Variants in TTC39B observed in about 807,000 individuals in gnomAD.
TTC39B encodes the protein tetratricopeptide repeat domain 39B.
Under a neutral mutation model 96.6 loss-of-function variants are expected in TTC39B, and 92 were observed. The ratio of observed to expected loss-of-function variants is 0.95; its 90% CI spans 0.80 to 1.13. The LOEUF (loss-of-function observed/expected upper bound fraction) is 1.13. Ranked by LOEUF, TTC39B falls within the 50% of genes most tolerant of loss-of-function variation. The pLI, the probability that TTC39B is intolerant of heterozygous loss-of-function variation, is 0.00. For missense variants in TTC39B, 955 were observed against 809.3 expected (o/e 1.18, Z -2.18); for synonymous variants, 367 against 299.4 (o/e 1.23, Z -2.33).
intron 2 of TTC39B, among the ~76,000 whole-genome samples, chr9:15,248,813 G>T (rs541624541): frequency 1.3e-5 from 2 of 152,006 alleles, no homozygotes; most frequent in Admixed American, 1.3e-4. Flanking sequence ...TTAAATCCTT[G>T]ATTTATTTTA....
chr9:15,178,489 C>T (rs893647463), intron 17 of TTC39B, among the ~76,000 whole-genome samples: 3 of 152,160 alleles, frequency 2.0e-5, no homozygotes, highest in Non-Finnish European at 4.4e-5. Flanking sequence ...GCAGGAAGAT[C>T]ATTTGAGCCC....
intron 1 of TTC39B, among the ~76,000 whole-genome samples, chr9:15,299,342 C>G (rs1824493924): frequency 6.6e-6 from 1 of 152,192 alleles, no homozygotes; most frequent in Admixed American, 6.5e-5. Context: ...AAAGCATTTA[C>G]TACACACCTA....
chr9:15,174,797 T>A (rs1046601737), intron 19 of TTC39B, among the ~76,000 whole-genome samples: 1 of 152,100 alleles, frequency 6.6e-6, no homozygotes, highest in African/African-American at 2.4e-5. Flanking sequence ...ATGCCCATAA[T>A]CATATCTGTA....
chr9:15,169,102 C>G (rs1817581730), exon 20 of TTC39B: 1 of 152,130 alleles, frequency 6.6e-6, no homozygotes, highest in South Asian at 2.1e-4. Context: ...TGCAGAAGAA[C>G]TGGTTATTGA....
chr9:15,266,707 A>T (rs1823144101), intron 2 of TTC39B, among the ~76,000 whole-genome samples: 1 of 152,126 alleles, frequency 6.6e-6, no homozygotes, highest in Non-Finnish European at 1.5e-5. Flanking sequence ...GAATTTAAAT[A>T]TGGAGCCTTT....
At position 15,285,645 on chromosome 9, in the gene TTC39B, G is replaced by A. The variant is rs1368429640; in HGVS notation, c.241-17697C>T. Reference sequence around the variant, plus strand: ...CGAGGCGGGCGGATCACGAGGTCAGGAGATGGAGACCATCCTGGCTAACAC... The same window carrying A: ...CGAGGCGGGCGGATCACGAGGTCAGAAGATGGAGACCATCCTGGCTAACAC... On this transcript the variant is annotated intron_variant, in intron 1 of 19. Coordinates refer to ENST00000512701, the Ensembl canonical transcript of TTC39B. 9.8e-5 allele frequency among the ~76,000 whole-genome samples: 15 copies of A among 152,292 alleles called. No individual in the cohort carries two copies. In the East Asian group the frequency reaches 2.9e-3, roughly 30 times the overall value.
At chr9:15,215,976 A>G (rs1416808083) in intron 3 of TTC39B, among the ~76,000 whole-genome samples, 1 of 152,358 alleles carries the variant, frequency 6.6e-6, no homozygotes, top group East Asian at 1.9e-4. Flanking sequence ...TTAAAACATG[A>G]AAGCAAAGTG....
intron 2 of TTC39B, among the ~76,000 whole-genome samples, chr9:15,259,083 C>A (rs1010531100): frequency 2.6e-5 from 4 of 152,064 alleles, no homozygotes; most frequent in Admixed American, 2.0e-4. Context: ...GGAAAAAACA[C>A]CAGGAATGCT....
intron 2 of TTC39B, among the ~76,000 whole-genome samples, chr9:15,244,467 C>A (rs1822183689): frequency 6.6e-6 from 1 of 152,212 alleles, no homozygotes. Flanking sequence ...CAACACCTGC[C>A]CTATGTCCCT....
intron 16 of TTC39B, among the ~76,000 whole-genome samples, chr9:15,184,974 T>C (rs1292948716): frequency 6.6e-6 from 1 of 152,082 alleles, no homozygotes; most frequent in Non-Finnish European, 1.5e-5. Flanking sequence ...TGGAATCAAC[T>C]TCTTTCTGTC....
exon 20 of TTC39B, chr9:15,168,706 G>A (rs922443828): frequency 6.6e-6 from 1 of 152,330 alleles, no homozygotes; most frequent in African/African-American, 2.4e-5. Flanking sequence ...CAGCTACTCG[G>A]GAGGCTGAGG....
intron 1 of TTC39B, among the ~76,000 whole-genome samples, chr9:15,284,056 T>C (rs1012775409): frequency 6.6e-6 from 1 of 152,078 alleles, no homozygotes; most frequent in Non-Finnish European, 1.5e-5. Context: ...GGCAAAACAA[T>C]TACTATTTAG....
At chr9:15,186,193 T>C (rs1207525867) in intron 15 of TTC39B, among the ~76,000 whole-genome samples, 1 of 152,196 alleles carries the variant, frequency 6.6e-6, no homozygotes, top group Non-Finnish European at 1.5e-5. Flanking sequence ...GCCTCCAATA[T>C]GAGTCAAGCT....
chr9:15,164,060 T>A (rs375119973), exon 20 of TTC39B: 1 of 152,220 alleles, frequency 6.6e-6, no homozygotes, highest in Admixed American at 6.5e-5. Flanking sequence ...TAAAATGCTT[T>A]GATAGCTACA....
At chr9:15,229,463 A>G (rs191703611) in intron 2 of TTC39B, among the ~76,000 whole-genome samples, 101 of 152,338 alleles carry the variant, frequency 6.6e-4, no homozygotes, top group African/African-American at 2.3e-3. Context: ...AATCTGGTAG[A>G]TATGCAAATA....
At chr9:15,203,928 C>CTTTGGATGTGTGATTTT in intron 6 of TTC39B, 38 bp from the exon 7 acceptor site, 2 of 1,569,890 alleles carry the variant, frequency 1.3e-6, no homozygotes, top group Non-Finnish European at 1.7e-6. Flanking sequence ...AGTAAAATCA[C>CTTTGGATGTGTGATTTT]ACATCCAAAG....
exon 20 of TTC39B, chr9:15,165,355 A>C (rs1406228645): frequency 6.6e-6 from 1 of 152,174 alleles, no homozygotes; most frequent in Non-Finnish European, 1.5e-5. Flanking sequence ...TCAGGGAAAA[A>C]AAGAAAAAAA....
exon 11 of TTC39B, chr9:15,190,656 C>T: frequency 6.2e-7 from 1 of 1,613,088 alleles, no homozygotes; most frequent in South Asian, 1.1e-5. Flanking sequence ...TGCAGGAGGC[C>T]CAACTCCTAT....
At chr9:15,210,762 T>C (rs368896829) in intron 5 of TTC39B, among the ~76,000 whole-genome samples, 29 of 152,204 alleles carry the variant, frequency 1.9e-4, no homozygotes, top group East Asian at 5.8e-4. Flanking sequence ...CCTATCATTT[T>C]TTAAAAGATA....
Sources: allele counts gnomAD v4.1 joint callset (sites outside exome capture counted in the v4.1 genomes callset), GRCh38; gene constraint gnomAD v4.1.1; transcripts MANE v1.5; gene names NCBI Gene and HGNC (gene_info 2026-07-23, HGNC 2026-07-21).